The following CTNNA1 variants were observed in gnomAD, a reference collection of about 807,000 sequenced individuals.
CTNNA1 encodes the protein catenin alpha-1.
A neutral mutation model predicts 98.4 loss-of-function variants in CTNNA1; 37 were observed. That is an observed-to-expected ratio of 0.38 (90% confidence interval 0.29 to 0.49). The LOEUF is 0.49. Among genes scored for constraint, CTNNA1 ranks in the 20% least tolerant of loss-of-function variants. CTNNA1 has a pLI of 0.95. For synonymous variants in CTNNA1, 404 were observed against 413.2 expected, an observed-to-expected ratio of 0.98 and a Z score of 0.27; for missense variants, 761 against 1,147.2, an observed-to-expected ratio of 0.66 and a Z score of 4.86.
chr5:138,852,891 A>G (rs1210330132), intron 7 of CTNNA1, among the ~76,000 whole-genome samples: 2 of 51,856 alleles, frequency 3.9e-5, no homozygotes, highest in African/African-American at 1.2e-4. Flanking sequence ...ATTTTTGCAT[A>G]GGTGTTTGCC....
intron 3 of CTNNA1, among the ~76,000 whole-genome samples, chr5:138,799,857 G>GATGTATGTATGT (rs55698183): frequency 0.1 from 15,513 of 148,984 alleles, 990 homozygotes; most frequent in East Asian, 0.2. Context: ...AGTAGATGTA[G>GATGTATGTATGT]ATGTATGTAT....
At chr5:138,880,720 G>A (rs979388026) in intron 7 of CTNNA1, 1 of 253,236 alleles carries the variant, frequency 3.9e-6, no homozygotes, top group Non-Finnish European at 7.9e-6. Flanking sequence ...GTTTGCACAG[G>A]ATAGAATTAA....
intron 9 of CTNNA1, among the ~76,000 whole-genome samples, chr5:138,895,244 A>G (rs1219856935): frequency 1.3e-5 from 2 of 152,128 alleles, no homozygotes; most frequent in South Asian, 2.1e-4. Flanking sequence ...CCTCCCCAAG[A>G]TTCTGATTTA....
At chr5:138,759,610 A>T (rs984950824) in intron 1 of CTNNA1, among the ~76,000 whole-genome samples, 1 of 152,124 alleles carries the variant, frequency 6.6e-6, no homozygotes, top group African/African-American at 2.4e-5. Context: ...GTGTCTGCCT[A>T]TCCCTGATTA....
At chr5:138,826,582 T>C (rs1424632567) in intron 6 of CTNNA1, among the ~76,000 whole-genome samples, 1 of 152,148 alleles carries the variant, frequency 6.6e-6, no homozygotes, top group East Asian at 1.9e-4. Flanking sequence ...TCCTCACAGC[T>C]TAGGTTTTTG....
chr5:138,844,033 A>G (rs1464223423), intron 7 of CTNNA1, among the ~76,000 whole-genome samples: 2 of 151,900 alleles, frequency 1.3e-5, no homozygotes, highest in African/African-American at 4.8e-5. Context: ...TTTTTTGGAG[A>G]CTTGGCCCTT....
intron 10 of CTNNA1, among the ~76,000 whole-genome samples, chr5:138,910,864 G>T (rs1211083710): frequency 1.3e-5 from 2 of 152,290 alleles, no homozygotes; most frequent in African/African-American, 4.8e-5. Context: ...GGCCTTGGTC[G>T]TAGGCCTTTG....
At chr5:138,880,972 A>C in intron 7 of CTNNA1, 1 of 448,248 alleles carries the variant, frequency 2.2e-6, no homozygotes, top group South Asian at 1.6e-5. Context: ...GATGTTGTTA[A>C]TGCAAAGAAA....
intron 9 of CTNNA1, among the ~76,000 whole-genome samples, chr5:138,895,328 C>T (rs961532194): frequency 6.6e-6 from 1 of 152,130 alleles, no homozygotes; most frequent in Non-Finnish European, 1.5e-5. Flanking sequence ...TGGACTTTGT[C>T]TTATTCTGAA....
At chr5:138,787,627 AGTT>A (rs1333925287) in intron 3 of CTNNA1, among the ~76,000 whole-genome samples, 47 of 152,230 alleles carry the variant, frequency 3.1e-4, no homozygotes, top group African/African-American at 1.1e-3. Flanking sequence ...TCAAAAAGGT[AGTT>A]ATTTATGTGT....
At chr5:138,850,334 T>C (rs1412771494) in intron 7 of CTNNA1, among the ~76,000 whole-genome samples, 1 of 152,234 alleles carries the variant, frequency 6.6e-6, no homozygotes. Context: ...TTAATTGCAA[T>C]GAACTCTATG....
chr5:138,933,786 C>T lies in CTNNA1; in HGVS notation c.2434-16C>T, dbSNP rs1561783873. Reference sequence around the variant, plus strand: ...GGTCAGGCCGGTGCTTCTTACCACCCCTGTCTGCCTCGTAGGTGGACAGCG... The same window carrying T: ...GGTCAGGCCGGTGCTTCTTACCACCTCTGTCTGCCTCGTAGGTGGACAGCG... On this transcript the variant is annotated splice_polypyrimidine_tract_variant and intron_variant, in intron 17 of 17. Transcript: ENST00000302763. 2 of 1,609,882 alleles carry T rather than the reference C, an allele frequency of 1.2e-6. No homozygotes were observed. Among genetic ancestry groups the T allele is most frequent in the East Asian group, 2.2e-5 (1 of 44,850 alleles).
chr5:138,924,517 C>T lies in CTNNA1; in HGVS notation c.1554C>T (p.His518=). Residue 518 remains histidine (H), a synonymous_variant, in exon 12 of 18, where the codon CAC becomes CAT. Transcript: ENST00000302763. ...TTTTTGCTTGTTCTCCAGAGAATCA[C>T]ATTTTGGAAGATGTGAACAAATGTG... is the stretch of plus-strand genomic sequence containing the variant. The part of the protein sequence containing the change: ...IDDFLAVSEN[H]ILEDVNKCVI... The T allele has an allele frequency of 6.2e-7, 1 of 1,614,140 alleles. No individual in the cohort carries two copies. The highest frequency in any genetic ancestry group is 8.5e-7 in the Non-Finnish European group (1 of 1,180,024).
intron 3 of CTNNA1, among the ~76,000 whole-genome samples, chr5:138,806,356 CT>C (rs34857003): frequency 2.1e-4 from 31 of 145,722 alleles, no homozygotes; most frequent in African/African-American, 3.2e-4. Flanking sequence ...AGGGTCCTAA[CT>C]TTTTTTTTTT....
intron 7 of CTNNA1, among the ~76,000 whole-genome samples, chr5:138,858,166 G>A (rs1763897303): frequency 6.7e-6 from 1 of 148,488 alleles, no homozygotes; most frequent in African/African-American, 2.5e-5. Flanking sequence ...TTGCTCTGTT[G>A]CCCAGGCTGA....
At chr5:138,779,987 T>C (rs757880369) in intron 1 of CTNNA1, among the ~76,000 whole-genome samples, 8 of 152,088 alleles carry the variant, frequency 5.3e-5, no homozygotes, top group Non-Finnish European at 1.2e-4. Context: ...TGTAGCCCGT[T>C]GTGTCATTGT....
chr5:138,815,351 C>T (rs971191526), intron 5 of CTNNA1, among the ~76,000 whole-genome samples: 1 of 151,982 alleles, frequency 6.6e-6, no homozygotes. Context: ...CCCTTGTTTA[C>T]CCTATTCTCT....
chr5:138,811,674 T>G (rs10079039), intron 4 of CTNNA1, among the ~76,000 whole-genome samples: 104,324 of 150,896 alleles, frequency 0.69, 36,197 homozygotes, highest in East Asian at 0.93. Flanking sequence ...CCGGCACCTC[T>G]GGAGGCCGAG....
chr5:138,783,468 G>C, intron 3 of CTNNA1, 96 bp downstream of exon 3: 2 of 1,010,786 alleles, frequency 2.0e-6, no homozygotes, highest in Non-Finnish European at 2.9e-6. Context: ...TCATTCTTAT[G>C]CTTGCCAATT....
Sources: allele counts gnomAD v4.1 joint callset (sites outside exome capture counted in the v4.1 genomes callset), GRCh38; gene constraint gnomAD v4.1.1; transcripts MANE v1.5; gene names NCBI Gene and HGNC (gene_info 2026-07-23, HGNC 2026-07-21).